Variants in PARD3 observed in about 807,000 individuals in gnomAD.
PARD3 encodes the protein par-3 family cell polarity regulator.
Under a neutral mutation model 155.4 loss-of-function variants are expected in PARD3, and 75 were observed. The ratio of observed to expected loss-of-function variants is 0.48; its 90% CI spans 0.40 to 0.58. PARD3 has a LOEUF of 0.58. Among genes scored for constraint, PARD3 ranks in the 20% least tolerant of loss-of-function variants. The pLI, the probability that PARD3 is intolerant of heterozygous loss-of-function variation, is 0.00. For synonymous variants in PARD3, 576 were observed against 610.5 expected, an observed-to-expected ratio of 0.94 and a Z score of 0.83; for missense variants, 1,642 against 1,721.7, an observed-to-expected ratio of 0.95 and a Z score of 0.82.
chr10:34,321,442 T>C (rs535015663), intron 19 of PARD3, among the ~76,000 whole-genome samples: 20 of 152,312 alleles, frequency 1.3e-4, no homozygotes, highest in African/African-American at 3.4e-4. Flanking sequence ...CTTTTGCAGA[T>C]ACCCTACACA....
chr10:34,755,506 C>CAA (rs1186815228), intron 1 of PARD3, among the ~76,000 whole-genome samples: 1 of 152,138 alleles, frequency 6.6e-6, no homozygotes, highest in East Asian at 1.9e-4. Context: ...TCATGAGGCT[C>CAA]AACTAGCAAC....
chr10:34,455,207 A>AT (rs372938314), intron 4 of PARD3, among the ~76,000 whole-genome samples: 3,749 of 152,044 alleles, frequency 0.025, 149 homozygotes, highest in African/African-American at 0.085. Context: ...CAAAAATCTC[A>AT]TTTTTTTTAA....
chr10:34,718,116 T>C (rs1216299453), intron 1 of PARD3, among the ~76,000 whole-genome samples: 1 of 139,396 alleles, frequency 7.2e-6, no homozygotes, highest in East Asian at 2.1e-4. Context: ...ATGGTGCCAC[T>C]GCACTCCAGC....
At chr10:34,239,802 CA>C (rs200115114) in intron 22 of PARD3, among the ~76,000 whole-genome samples, 29,492 of 120,256 alleles carry the variant, frequency 0.25, 3,004 homozygotes, top group Non-Finnish European at 0.28. Context: ...CACTCCATCT[CA>C]AAAAAAAAAA....
intron 3 of PARD3, among the ~76,000 whole-genome samples, chr10:34,497,147 T>C (rs2080346936): frequency 6.6e-6 from 1 of 152,182 alleles, no homozygotes; most frequent in Non-Finnish European, 1.5e-5. Flanking sequence ...TAACACTAAA[T>C]ACCACTGGTC....
chr10:34,469,242 T>A (rs554366280), intron 4 of PARD3, among the ~76,000 whole-genome samples: 1 of 152,184 alleles, frequency 6.6e-6, no homozygotes, highest in South Asian at 2.1e-4. Flanking sequence ...TCCTGAGTAG[T>A]TAGAATTACA....
At chr10:34,245,964 T>C (rs779327801) in intron 22 of PARD3, among the ~76,000 whole-genome samples, 2 of 152,098 alleles carry the variant, frequency 1.3e-5, no homozygotes, top group African/African-American at 2.4e-5. Flanking sequence ...GACAAGGGTG[T>C]AGGCACGTGA....
chr10:34,379,982 C>A (rs1386948387), intron 9 of PARD3, among the ~76,000 whole-genome samples: 1 of 152,052 alleles, frequency 6.6e-6, no homozygotes, highest in Non-Finnish European at 1.5e-5. Flanking sequence ...ACTGCTGCCA[C>A]TCAAAGCACA....
At chr10:34,233,017 A>ATTTTTTTTTTTTTTTTTTTTT (rs3039283) in intron 22 of PARD3, among the ~76,000 whole-genome samples, 1 of 96,194 alleles carries the variant, frequency 1.0e-5, no homozygotes, top group Non-Finnish European at 1.9e-5. Flanking sequence ...TCAAATGTTA[A>ATTTTTTTTTTTTTTTTTTTTT]TTTTTTTTTT....
chr10:34,583,599 A>G (rs1485978653), intron 2 of PARD3, among the ~76,000 whole-genome samples: 1 of 152,178 alleles, frequency 6.6e-6, no homozygotes, highest in African/African-American at 2.4e-5. Flanking sequence ...TGAGGAAATG[A>G]GGCCCAATCA....
At chr10:34,219,950 C>A (rs1952193820) in intron 22 of PARD3, among the ~76,000 whole-genome samples, 1 of 152,180 alleles carries the variant, frequency 6.6e-6, no homozygotes. Context: ...CATTTCATGA[C>A]CTTTTTGTTT....
intron 22 of PARD3, among the ~76,000 whole-genome samples, chr10:34,258,569 C>A (rs1434535051): frequency 6.6e-6 from 1 of 152,084 alleles, no homozygotes; most frequent in Non-Finnish European, 1.5e-5. Flanking sequence ...GCATTCCCAG[C>A]TGGTGGTGCT....
At chr10:34,273,203 T>C (rs1955711367) in intron 21 of PARD3, among the ~76,000 whole-genome samples, 2 of 152,150 alleles carry the variant, frequency 1.3e-5, no homozygotes, top group Non-Finnish European at 2.9e-5. Context: ...ATTTGTAATA[T>C]TTAAATATTG....
intron 3 of PARD3, among the ~76,000 whole-genome samples, chr10:34,475,994 C>CA (rs2078681518): frequency 6.6e-6 from 1 of 152,068 alleles, no homozygotes. Context: ...TTTCTCAAGA[C>CA]AACCACTGAG....
At chr10:34,561,604 T>C (rs1320671974) in intron 2 of PARD3, among the ~76,000 whole-genome samples, 4 of 151,890 alleles carry the variant, frequency 2.6e-5, no homozygotes, top group African/African-American at 9.7e-5. Context: ...CTGCAACCTC[T>C]GCCTCCTGGG....
chr10:34,623,193 C>G (rs1000430446), intron 2 of PARD3, among the ~76,000 whole-genome samples: 1 of 152,148 alleles, frequency 6.6e-6, no homozygotes, highest in African/African-American at 2.4e-5. Context: ...ATGATACTTT[C>G]ACGGCTGTGT....
At chr10:34,242,440 C>T (rs1296374186) in intron 22 of PARD3, among the ~76,000 whole-genome samples, 3 of 151,842 alleles carry the variant, frequency 2.0e-5, no homozygotes, top group Admixed American at 2.0e-4. Flanking sequence ...CGACTACCTT[C>T]ATCTGCACCC....
chr10:34,288,146 G>A (rs1956491097), intron 20 of PARD3, among the ~76,000 whole-genome samples: 1 of 152,158 alleles, frequency 6.6e-6, no homozygotes, highest in Non-Finnish European at 1.5e-5. Context: ...AGGAGATGGA[G>A]GCTGCAGTGA....
chr10:34,677,442 T>C (rs1310140442), intron 2 of PARD3, among the ~76,000 whole-genome samples: 1 of 150,420 alleles, frequency 6.6e-6, no homozygotes, highest in Non-Finnish European at 1.5e-5. Context: ...ATCATGCCAC[T>C]GCACTCCAGC....
Sources: allele counts gnomAD v4.1 joint callset (sites outside exome capture counted in the v4.1 genomes callset), GRCh38; gene constraint gnomAD v4.1.1; transcripts MANE v1.5; gene names NCBI Gene and HGNC (gene_info 2026-07-23, HGNC 2026-07-21).